Variants in TCF12 observed in about 807,000 individuals in gnomAD.
TCF12 encodes DNA-binding protein HTF4.
TCF12 carries 45 observed loss-of-function variants against 86.0 expected under a neutral mutation model. That is an observed-to-expected ratio of 0.52 (90% CI 0.41 to 0.67). TCF12 has a LOEUF of 0.67. Among genes scored for constraint, TCF12 ranks in the 30% least tolerant of loss-of-function variants. The pLI is 0.00. For missense variants in TCF12, 881 were observed against 859.9 expected, an observed-to-expected ratio of 1.02 and a Z score of -0.31; for synonymous variants, 330 against 299.6, an observed-to-expected ratio of 1.10 and a Z score of -1.05.
chr15:57,247,988 C>G, intron 13 of TCF12: 9 of 723,384 alleles, frequency 1.2e-5, no homozygotes, highest in Non-Finnish European at 2.3e-5. Context: ...TCCCCCACCA[C>G]CCCACCCCCA....
chr15:57,187,207 A>G (rs1234355111), intron 6 of TCF12, among the ~76,000 whole-genome samples: 4 of 151,984 alleles, frequency 2.6e-5, no homozygotes, highest in South Asian at 2.1e-4. Context: ...ACAAAATCCA[A>G]CACTCTTTCA....
chr15:56,937,619 G>T (rs1429060248), intron 3 of TCF12, among the ~76,000 whole-genome samples: 1 of 151,732 alleles, frequency 6.6e-6, no homozygotes, highest in Non-Finnish European at 1.5e-5. Flanking sequence ...TCCTTGTCTT[G>T]TTCCAATTCT....
At chr15:56,968,000 G>T (rs776072146) in intron 3 of TCF12, among the ~76,000 whole-genome samples, 1 of 152,282 alleles carries the variant, frequency 6.6e-6, no homozygotes, top group Non-Finnish European at 1.5e-5. Flanking sequence ...CTGTGGCCCA[G>T]GGTGGAGTGC....
intron 6 of TCF12, among the ~76,000 whole-genome samples, chr15:57,177,624 G>GAGAGAGAGAGAC (rs1270973667): frequency 6.6e-6 from 1 of 151,692 alleles, no homozygotes; most frequent in Non-Finnish European, 1.5e-5. Context: ...GAGAGAGAGA[G>GAGAGAGAGAGAC]AGAGAGAGAG....
rs532973260 is a variant in TCF12 at position 56,963,027 on chromosome 15, CTTTTTTT to C, written c.148+41945_148+41951del. On this transcript the variant is annotated intron_variant, in intron 3 of 20. Transcript: ENST00000333725. ...TGAAGCAGATTTAATGTGTTAAGGT[CTTTTTTT>C]TTTTTTTTTTTTTTTACCTTCTGTA... Among the ~76,000 whole-genome samples the C allele has an allele frequency of 1.1e-4, 11 of 96,240 alleles. No individual in the cohort carries two copies. The South Asian group carries it at 3.3e-3, about 29-fold the overall frequency. 63.1% of individuals were successfully genotyped at this position (96,240 alleles called of 152,430 possible).
At chr15:56,992,287 T>G (rs1455793227) in intron 3 of TCF12, among the ~76,000 whole-genome samples, 1 of 152,080 alleles carries the variant, frequency 6.6e-6, no homozygotes, top group Non-Finnish European at 1.5e-5. Flanking sequence ...AATAAATAAA[T>G]AAAAATTTAA....
chr15:57,252,896 T>C (rs1032958718), intron 15 of TCF12, among the ~76,000 whole-genome samples: 4 of 151,536 alleles, frequency 2.6e-5, no homozygotes, highest in East Asian at 1.9e-4. Flanking sequence ...ATTGCCATCA[T>C]TCAAAGATCA....
At chr15:57,192,465 C>T (rs1326756461) in intron 7 of TCF12, among the ~76,000 whole-genome samples, 172 bp downstream of exon 7, 8 of 152,018 alleles carry the variant, frequency 5.3e-5, no homozygotes, top group African/African-American at 1.7e-4. Flanking sequence ...CTTGGCTTAC[C>T]GCAGTCTCAA....
intron 19 of TCF12, among the ~76,000 whole-genome samples, chr15:57,273,609 C>G (rs1472579091): frequency 1.3e-5 from 2 of 152,102 alleles, no homozygotes; most frequent in Admixed American, 6.6e-5. Context: ...CTCCTCCCTG[C>G]TCTTTATGTC....
chr15:57,160,929 G>A (rs2054463901), intron 5 of TCF12, among the ~76,000 whole-genome samples: 2 of 151,888 alleles, frequency 1.3e-5, no homozygotes, highest in Admixed American at 1.3e-4. Context: ...AGCTCTAGCA[G>A]TCCTCCCACC....
chr15:56,937,284 G>A (rs1454829739), intron 3 of TCF12, among the ~76,000 whole-genome samples: 1 of 151,798 alleles, frequency 6.6e-6, no homozygotes, highest in African/African-American at 2.4e-5. Flanking sequence ...GTCGCTGTTG[G>A]TGTATAGTAG....
chr15:57,024,859 C>T (rs755067797), intron 3 of TCF12, among the ~76,000 whole-genome samples: 11 of 152,110 alleles, frequency 7.2e-5, no homozygotes, highest in Non-Finnish European at 1.2e-4. Context: ...GGGAGAGGAA[C>T]GAATTCTTCA....
chr15:57,146,990 A>G (rs2053405631), intron 5 of TCF12, among the ~76,000 whole-genome samples: 1 of 152,218 alleles, frequency 6.6e-6, no homozygotes, highest in African/African-American at 2.4e-5. Flanking sequence ...TGCATTTGCC[A>G]TAAAATACCA....
At position 57,014,642 on chromosome 15, in the gene TCF12, C is replaced by T. The variant is rs1355810738; in HGVS notation, c.149-49108C>T. On this transcript the variant is annotated intron_variant, in intron 3 of 20. Coordinates refer to ENST00000333725, the MANE Select transcript of TCF12 (RefSeq NM_207037.2). ...TCTTTCTCTCAGAGGTTGCCACAGG[C>T]CAGCCTGCTAGGTACACCCTCCAGG... Among the ~76,000 whole-genome samples the T allele has an allele frequency of 2.0e-5, 3 of 152,090 alleles. No homozygotes were observed. The East Asian group carries it at 5.8e-4, about 29-fold the overall frequency.
intron 8 of TCF12, among the ~76,000 whole-genome samples, chr15:57,214,769 C>G (rs1378840381): frequency 6.6e-6 from 1 of 152,100 alleles, no homozygotes; most frequent in African/African-American, 2.4e-5. Flanking sequence ...TTTTGGTAAT[C>G]ACAATTGAGG....
At chr15:57,083,522 T>A (rs1182953855) in intron 4 of TCF12, among the ~76,000 whole-genome samples, 1 of 152,084 alleles carries the variant, frequency 6.6e-6, no homozygotes, top group Non-Finnish European at 1.5e-5. Context: ...ATGAAAAAAA[T>A]ACTAACACTT....
At chr15:57,032,713 G>A (rs796734447) in intron 3 of TCF12, among the ~76,000 whole-genome samples, 16 of 152,258 alleles carry the variant, frequency 1.1e-4, no homozygotes, top group African/African-American at 3.4e-4. Flanking sequence ...CAAGAGTGCC[G>A]TGATTACAGG....
intron 3 of TCF12, among the ~76,000 whole-genome samples, chr15:57,035,041 C>T (rs957218678): frequency 1.3e-5 from 2 of 152,094 alleles, no homozygotes; most frequent in South Asian, 4.1e-4. Context: ...ATATTAGAAA[C>T]TAATGTTAAT....
At chr15:57,269,200 G>T (rs140548229) in intron 18 of TCF12, among the ~76,000 whole-genome samples, 1 of 152,114 alleles carries the variant, frequency 6.6e-6, no homozygotes, top group East Asian at 1.9e-4. Context: ...TTATGAATCT[G>T]GGTGCTCGTG....
Sources: gnomAD v4.1 joint callset for allele counts (sites outside exome capture counted in the v4.1 genomes callset) on GRCh38, gnomAD v4.1.1 for gene constraint, MANE v1.5 for transcripts, NCBI Gene and HGNC (gene_info 2026-07-23, HGNC 2026-07-21) for gene names.